Variants in DLGAP2 observed in about 807,000 individuals in gnomAD.
The protein encoded by DLGAP2 is DLG associated protein 2, also known as disks large-associated protein 2.
Under a neutral mutation model 100.3 loss-of-function variants are expected in DLGAP2, and 26 were observed. The ratio of observed to expected loss-of-function variants is 0.26; its 90% CI spans 0.19 to 0.36. The LOEUF is 0.36. DLGAP2 is among the 10% of genes least tolerant of loss of function. DLGAP2 has a pLI of 1.00. For missense variants in DLGAP2, 1,858 were observed against 1,453.2 expected (o/e 1.28, Z -4.53); for synonymous variants, 886 against 630.1 (o/e 1.41, Z -6.08).
chr8:1,377,604 C>T (rs1563115151), intron 3 of DLGAP2, among the ~76,000 whole-genome samples: 1 of 152,288 alleles, frequency 6.6e-6, no homozygotes, highest in East Asian at 1.9e-4. Context: ...AAAGGTGAAG[C>T]TGGGAGGCAG....
intron 3 of DLGAP2, among the ~76,000 whole-genome samples, chr8:1,265,890 C>G (rs1024725686): frequency 1.3e-5 from 2 of 152,102 alleles, no homozygotes; most frequent in Non-Finnish European, 2.9e-5. Flanking sequence ...TCATACAACA[C>G]AAAGCACATG....
Position 1,678,321 on chromosome 8 carries a change from T to A in DLGAP2, c.2396T>A (p.Phe799Tyr). 3 of 1,613,962 alleles carry A rather than the reference T, an allele frequency of 1.9e-6. No homozygotes were observed. In the South Asian group the frequency reaches 3.3e-5, roughly 18 times the overall value. Residue 799 changes from phenylalanine to tyrosine, a missense_variant, in exon 12 of 15, where the codon TTC becomes TAC. Phe to Tyr is a conservative substitution (Grantham distance 22). Transcript: ENST00000637795. ...ACCACGGAGGACAAAGGCCTTCAGT[T>A]CGGCTCATCCTTCCAGCGGCACTCC... Reference protein sequence around the residue: ...HITTEDKGLQFGSSFQRHSEP... With the variant: ...HITTEDKGLQYGSSFQRHSEP...
chr8:1,109,035 A>G (rs1471050284), intron 2 of DLGAP2, among the ~76,000 whole-genome samples: 33 of 77,168 alleles, frequency 4.3e-4, no homozygotes, highest in East Asian at 9.6e-4. Flanking sequence ...GAATGTGTCT[A>G]TGAGGTGTGC....
intron 2 of DLGAP2, among the ~76,000 whole-genome samples, chr8:1,216,333 G>A (rs981540428): frequency 1.3e-5 from 2 of 151,952 alleles, no homozygotes; most frequent in Non-Finnish European, 2.9e-5. Context: ...CGTACTTCAG[G>A]GACTCAGGCT....
rs1311378242 is a variant in DLGAP2 at position 1,042,725 on chromosome 8, A to G, written c.73+134759A>G. ...TGTCGGTGGTGGGTGTGGGTGGTGG[A>G]TGTGAGTGGTGGATGTGGGTCGTGG... On this transcript the variant is annotated intron_variant, in intron 2 of 14. Transcript: ENST00000637795. Among the ~76,000 whole-genome samples, 334 of 126,120 alleles carry G rather than the reference A, an allele frequency of 2.6e-3. 135 individuals are homozygous for G. Among genetic ancestry groups the G allele is most frequent in the South Asian group, 3.9e-3 (13 of 3,344 alleles). 82.7% of individuals were successfully genotyped at this position (126,120 alleles called of 152,430 possible).
intron 4 of DLGAP2, among the ~76,000 whole-genome samples, chr8:1,527,568 A>C (rs1800835273): frequency 6.6e-6 from 1 of 152,234 alleles, no homozygotes; most frequent in Non-Finnish European, 1.5e-5. Context: ...ATTCCAGTGC[A>C]TTTCTGAGAG....
chr8:1,212,793 T>C (rs1056084530), intron 2 of DLGAP2, among the ~76,000 whole-genome samples: 3 of 117,398 alleles, frequency 2.6e-5, no homozygotes, highest in Admixed American at 2.4e-4. Context: ...ATTAGCATTT[T>C]AATTGGATTA....
chr8:1,699,869 A>G (rs7825359), intron 14 of DLGAP2, among the ~76,000 whole-genome samples: 53,503 of 152,084 alleles, frequency 0.35, 10,034 homozygotes, highest in African/African-American at 0.48. Flanking sequence ...TGATGTGTAC[A>G]TCTCACAGGC....
intron 1 of DLGAP2, among the ~76,000 whole-genome samples, chr8:772,132 C>G (rs1821379823): frequency 1.3e-5 from 2 of 152,102 alleles, no homozygotes; most frequent in African/African-American, 2.4e-5. Context: ...ACCTCCTGGG[C>G]TGAAGCGATT....
intron 3 of DLGAP2, among the ~76,000 whole-genome samples, chr8:1,329,310 G>C (rs78852333): frequency 0.024 from 3,665 of 152,262 alleles, 59 homozygotes; most frequent in Middle Eastern, 0.078. Context: ...AGAGAGTGCT[G>C]CATTCCTGAA....
At chr8:1,488,529 G>T (rs1799288545) in intron 3 of DLGAP2, among the ~76,000 whole-genome samples, 1 of 152,114 alleles carries the variant, frequency 6.6e-6, no homozygotes, top group Non-Finnish European at 1.5e-5. Context: ...GCAAAGCCTG[G>T]TCCTAAGCAG....
chr8:1,605,274 CT>C (rs990410750), intron 6 of DLGAP2, among the ~76,000 whole-genome samples: 1 of 152,192 alleles, frequency 6.6e-6, no homozygotes, highest in Non-Finnish European at 1.5e-5. Context: ...CAGCTCCCTA[CT>C]ACTCAGGGGA....
At chr8:1,417,922 A>G (rs1401774934) in intron 3 of DLGAP2, among the ~76,000 whole-genome samples, 1 of 152,076 alleles carries the variant, frequency 6.6e-6, no homozygotes, top group Non-Finnish European at 1.5e-5. Flanking sequence ...AAAATATTAC[A>G]TTTTCAAAAT....
chr8:745,834 C>T (rs1253034209), intron 1 of DLGAP2, among the ~76,000 whole-genome samples: 1 of 152,204 alleles, frequency 6.6e-6, no homozygotes, highest in Non-Finnish European at 1.5e-5. Context: ...ATACTTTCAT[C>T]CCATTTCCCT....
intron 4 of DLGAP2, among the ~76,000 whole-genome samples, chr8:1,509,373 A>C (rs576190531): frequency 3.3e-5 from 5 of 151,408 alleles, no homozygotes; most frequent in Non-Finnish European, 7.4e-5. Context: ...ACCAAAGTAC[A>C]CTCTGGATAA....
At chr8:1,263,197 A>G (rs953866917) in intron 3 of DLGAP2, among the ~76,000 whole-genome samples, 1 of 152,230 alleles carries the variant, frequency 6.6e-6, no homozygotes, top group African/African-American at 2.4e-5. Context: ...TTAAGAAGCA[A>G]TAGATGATTG....
chr8:1,037,690 G>T (rs527743252), intron 2 of DLGAP2, among the ~76,000 whole-genome samples: 1 of 152,320 alleles, frequency 6.6e-6, no homozygotes, highest in African/African-American at 2.4e-5. Context: ...TCCTTATCGG[G>T]AAGAAGTTTA....
At chr8:1,070,962 G>C (rs890278284) in intron 2 of DLGAP2, among the ~76,000 whole-genome samples, 2 of 152,194 alleles carry the variant, frequency 1.3e-5, no homozygotes, top group African/African-American at 4.8e-5. Context: ...CCTGTGTTCC[G>C]ATGGCTGCTT....
At chr8:1,480,946 GC>G (rs1471991782) in intron 3 of DLGAP2, among the ~76,000 whole-genome samples, 1 of 152,110 alleles carries the variant, frequency 6.6e-6, no homozygotes, top group Admixed American at 6.5e-5. Context: ...GCCGAGGCGG[GC>G]AGATCACGAG....
Sources: gnomAD v4.1 joint callset for allele counts (sites outside exome capture counted in the v4.1 genomes callset) on GRCh38, gnomAD v4.1.1 for gene constraint, MANE v1.5 for transcripts, NCBI Gene and HGNC (gene_info 2026-07-23, HGNC 2026-07-21) for gene names.